Variants in PHC3 observed in about 807,000 individuals in gnomAD.
The protein encoded by PHC3 is polyhomeotic homolog 3.
A neutral mutation model predicts 107.4 loss-of-function variants in PHC3; 13 were observed. The ratio of observed to expected loss-of-function variants is 0.12; its 90% CI spans 0.08 to 0.19. The LOEUF (loss-of-function observed/expected upper bound fraction) is 0.19, where lower values mean the gene tolerates loss of function less well. PHC3 is among the 10% of genes least tolerant of loss of function. The probability of loss-of-function intolerance (pLI) is 1.00; values close to 1 mark genes in which losing one functional copy is unlikely to be tolerated. For synonymous variants in PHC3, 456 were observed against 427.4 expected, an observed-to-expected ratio of 1.07 and a Z score of -0.83; for missense variants, 992 against 1,210.9, an observed-to-expected ratio of 0.82 and a Z score of 2.68.
chr3:170,160,586 T>C (rs1727722894), intron 4 of PHC3, among the ~76,000 whole-genome samples: 1 of 152,182 alleles, frequency 6.6e-6, no homozygotes, highest in African/African-American at 2.4e-5. Context: ...CTAAAATAAT[T>C]CTCTGCATTG....
At position 170,134,247 on chromosome 3, in the gene PHC3, T is replaced by C. The variant is rs138319598; in HGVS notation, c.919+2172A>G. On this transcript the variant is annotated intron_variant, in intron 7 of 14. Transcript: ENST00000495893. ...CTCTGTCACCCAGGCTGGAGTGCAA[T>C]GGGGCGATTCCGGCTCACTGTAACC... Among the ~76,000 whole-genome samples the C allele has an allele frequency of 6.9e-4, 105 of 152,170 alleles. 1 individual carries two copies. Among genetic ancestry groups the C allele is most frequent in the African/African-American group, 2.4e-3 (100 of 41,518 alleles).
Position 170,145,507 on chromosome 3 carries a change from G to A in PHC3, c.588C>T (p.Pro196=), listed in dbSNP as rs778834032. The A allele has an allele frequency of 1.2e-5, 19 of 1,611,876 alleles. No individual in the cohort carries two copies. The highest frequency in any genetic ancestry group is 6.7e-5 in the African/African-American group (5 of 74,884). Residue 196 remains proline, a synonymous_variant, in exon 6 of 15, where the codon CCC becomes CCT. Transcript: ENST00000495893. ...YLRAQMLIFT[P]ATTVAAVQSD... ...ACTGTACAGCAGCCACAGTGGTAGC[G>A]GGTGTGAAAATCAGCTGTACAGACA...
chr3:170,114,655 G>C (rs1379599842), intron 10 of PHC3, among the ~76,000 whole-genome samples: 2 of 152,048 alleles, frequency 1.3e-5, no homozygotes, highest in Non-Finnish European at 2.9e-5. Flanking sequence ...GGTTAACTCA[G>C]GAATACTACC....
intron 4 of PHC3, among the ~76,000 whole-genome samples, chr3:170,152,807 T>G (rs1051302921): frequency 1.3e-5 from 2 of 151,832 alleles, no homozygotes; most frequent in Non-Finnish European, 2.9e-5. Context: ...ACTACAGGCA[T>G]GCATCACCAC....
At chr3:170,102,759 T>G in intron 13 of PHC3, 43 bp downstream of exon 13, 1 of 1,613,258 alleles carries the variant, frequency 6.2e-7, no homozygotes, top group Middle Eastern at 1.7e-4. Context: ...TTCCTTGCAT[T>G]TCTGAAAAGG....
chr3:170,119,036 T>TAAAAAAAAAAAAAAAAAAAAAAAA (rs1002478959), intron 9 of PHC3, among the ~76,000 whole-genome samples: 78 of 72,476 alleles, frequency 1.1e-3, no homozygotes, highest in Non-Finnish European at 1.4e-3. Flanking sequence ...TATAAAAAGC[T>TAAAAAAAAAAAAAAAAAAAAAAAA]AAAAAAAAAA....
intron 11 of PHC3, among the ~76,000 whole-genome samples, chr3:170,110,595 T>C (rs78325080): frequency 6.6e-6 from 1 of 152,216 alleles, no homozygotes; most frequent in Non-Finnish European, 1.5e-5. Context: ...ATACCATCTG[T>C]AGCTCCTTCG....
intron 4 of PHC3, among the ~76,000 whole-genome samples, chr3:170,164,110 G>A (rs1295629034): frequency 6.6e-6 from 1 of 151,760 alleles, no homozygotes; most frequent in Non-Finnish European, 1.5e-5. Context: ...GCTGAGGCAG[G>A]AGAATTGCTT....
intron 11 of PHC3, among the ~76,000 whole-genome samples, chr3:170,112,515 G>C (rs868486348): frequency 1.4e-5 from 2 of 144,720 alleles, no homozygotes; most frequent in African/African-American, 5.1e-5. Context: ...AAGCCACCGC[G>C]CCTGGCCTAT....
intron 6 of PHC3, among the ~76,000 whole-genome samples, chr3:170,144,997 T>G (rs1387314329): frequency 6.6e-6 from 1 of 152,244 alleles, no homozygotes; most frequent in Admixed American, 6.5e-5. Context: ...CATGAGCCAC[T>G]GCACCTGACC....
intron 4 of PHC3, chr3:170,170,389 G>A (rs1270045542): frequency 6.7e-6 from 1 of 149,036 alleles, no homozygotes; most frequent in African/African-American, 2.5e-5. Context: ...TAGTAGCCAG[G>A]GATGCTGCTA....
rs756106171 is a variant in PHC3 at position 170,113,413 on chromosome 3, G to C, written c.2300C>G (p.Thr767Arg). Residue 767 changes from threonine to arginine, a missense_variant, in exon 11 of 15, where the codon ACA (threonine) becomes AGA (arginine). By Grantham distance (71) the Thr-to-Arg change is moderately conservative (BLOSUM62 -1). This residue lies in a region of PHC3 where 228 missense variants were observed against 288.8 expected (regional missense o/e 0.79). Coordinates refer to ENST00000495893, the MANE Select transcript of PHC3 (RefSeq NM_024947.4). ...VCVQPELQNNTKHADNSSDTE... is the reference protein window; with the variant it reads ...VCVQPELQNNRKHADNSSDTE... ...GTCAGATGAATTATCCGCATGTTTT[G>C]TATTATTCTGTAGCTCTGGCTGAAC... is the stretch of plus-strand genomic sequence containing the variant. The C allele has an allele frequency of 6.8e-6, 11 of 1,612,206 alleles. No individual in the cohort carries two copies. The East Asian group carries it at 2.5e-4, about 36-fold the overall frequency.
chr3:170,166,011 A>G (rs2108711037), intron 4 of PHC3, among the ~76,000 whole-genome samples: 1 of 150,878 alleles, frequency 6.6e-6, no homozygotes, highest in Middle Eastern at 3.5e-3. Flanking sequence ...CCCCAAAGAA[A>G]CAGAATATAT....
At chr3:170,107,162 A>G (rs1716694473) in intron 11 of PHC3, among the ~76,000 whole-genome samples, 1 of 152,182 alleles carries the variant, frequency 6.6e-6, no homozygotes, top group Non-Finnish European at 1.5e-5. Flanking sequence ...GTTTCTTTCT[A>G]TATAAATAAG....
chr3:170,136,636 C>G lies in PHC3; in HGVS notation c.702G>C (p.Lys234Asn). 1 of 1,613,656 alleles carries G rather than the reference C, an allele frequency of 6.2e-7. No individual in the cohort carries two copies. The highest frequency in any genetic ancestry group is 8.5e-7 in the Non-Finnish European group (1 of 1,179,750). The change falls in exon 7 of 15, where the codon AAG (lysine) becomes AAC (asparagine). Residue 234 changes from lysine (K) to asparagine (N), a missense_variant. Lys to Asn is a moderately conservative substitution (Grantham distance 94). Around this residue, in one of 6 missense-constraint regions of PHC3, gnomAD observed 543 missense variants for 590.8 expected, o/e 0.92. Transcript: ENST00000495893. ...QVQNLTLRSQ[K>N]LGVLSSSQNG... ...TCTGTGAGCTAGATAATACACCCAA[C>G]TTCTGGCTGCGTAATGTTAAATTCT... is the stretch of plus-strand genomic sequence containing the variant.
At chr3:170,135,273 C>T (rs1328424865) in intron 7 of PHC3, among the ~76,000 whole-genome samples, 1 of 152,090 alleles carries the variant, frequency 6.6e-6, no homozygotes, top group Non-Finnish European at 1.5e-5. Context: ...ACCTCAGCCT[C>T]CCAAGTAGCT....
chr3:170,104,026 C>T (rs1176359309), intron 12 of PHC3, among the ~76,000 whole-genome samples: 1 of 152,038 alleles, frequency 6.6e-6, no homozygotes, highest in Non-Finnish European at 1.5e-5. Flanking sequence ...GCTGTGATAG[C>T]GCCACTGCAC....
At chr3:170,127,172 T>C (rs1721454672) in intron 8 of PHC3, among the ~76,000 whole-genome samples, 1 of 152,174 alleles carries the variant, frequency 6.6e-6, no homozygotes, top group Non-Finnish European at 1.5e-5. Context: ...TGATAAACTT[T>C]TTAAAAATTT....
intron 8 of PHC3, among the ~76,000 whole-genome samples, chr3:170,123,878 C>T (rs1170138133): frequency 2.0e-5 from 3 of 151,890 alleles, no homozygotes; most frequent in Admixed American, 1.3e-4. Flanking sequence ...GACAGAGTCT[C>T]GCTCTGTTGC....
Sources: allele counts gnomAD v4.1 joint callset (sites outside exome capture counted in the v4.1 genomes callset), GRCh38; gene constraint gnomAD v4.1.1; regional missense constraint gnomAD v4.1.1; transcripts MANE v1.5; gene names NCBI Gene and HGNC (gene_info 2026-07-23, HGNC 2026-07-21).